SKI: variants seen among roughly 807,000 people sequenced by gnomAD.
The protein encoded by SKI is SKI proto-oncogene.
In SKI, 23 loss-of-function variants were observed where a neutral mutation model predicts 59.3. The ratio of observed to expected loss-of-function variants is 0.39; its 90% CI spans 0.28 to 0.55. SKI has a LOEUF of 0.55. Ranked by LOEUF, SKI falls within the 20% of genes least tolerant of loss-of-function variation. The pLI, the probability that SKI is intolerant of heterozygous loss-of-function variation, is 0.67. For synonymous variants in SKI, 673 were observed against 488.6 expected, an observed-to-expected ratio of 1.38 and a Z score of -4.98; for missense variants, 1,017 against 1,038.9, an observed-to-expected ratio of 0.98 and a Z score of 0.29.
chr1:2,304,400 G>A lies in SKI; in HGVS notation c.1582G>A (p.Ala528Thr). 1 of 1,552,758 alleles carries A rather than the reference G, an allele frequency of 6.4e-7. No homozygotes were observed. Among genetic ancestry groups the A allele is most frequent in the East Asian group, 2.4e-5 (1 of 41,012 alleles). The change falls in exon 5 of 7, where the codon GCT (alanine) becomes ACT (threonine). Residue 528 changes from alanine to threonine, a missense_variant. Ala to Thr is a moderately conservative substitution (Grantham distance 58). Transcript: ENST00000378536. ...TGCCCTGCCCTCGGCCGTCCCTGAT[G>A]CTGCGGCCCCTGCCGACGCCCCCAG... ...ARALPSAVPD[A>T]AAPADAPSGL...
At chr1:2,243,376 G>A (rs1027953788) in intron 1 of SKI, among the ~76,000 whole-genome samples, 1 of 152,226 alleles carries the variant, frequency 6.6e-6, no homozygotes, top group Non-Finnish European at 1.5e-5. Flanking sequence ...CTTATGCCCC[G>A]CCTGCCCTTT....
At position 2,229,555 on chromosome 1, in the gene SKI, G is replaced by C; in HGVS notation, c.789G>C (p.Ser263=). ...MYPPHKFVVH[S]HKALENRTCH... ...CGCCGCACAAGTTCGTGGTGCACTCGCACAAGGCCCTGGAGAACCGGACCT... is the reference window on the plus strand; with the variant it reads ...CGCCGCACAAGTTCGTGGTGCACTCCCACAAGGCCCTGGAGAACCGGACCT... Residue 263 remains serine, a synonymous_variant, in exon 1 of 7, where the codon TCG becomes TCC. Coordinates refer to ENST00000378536, the MANE Select transcript of SKI (RefSeq NM_003036.4). The surrounding 1 kb of genome is among the most constrained non-coding windows in gnomAD (Gnocchi z 6.3). The C allele has an allele frequency of 6.2e-7, 1 of 1,611,240 alleles. No individual in the cohort carries two copies. Among genetic ancestry groups the C allele is most frequent in the Non-Finnish European group, 8.5e-7 (1 of 1,179,924 alleles).
At chr1:2,287,430 G>A (rs1295681233) in intron 1 of SKI, among the ~76,000 whole-genome samples, 4 of 149,812 alleles carry the variant, frequency 2.7e-5, no homozygotes, top group African/African-American at 7.4e-5. Flanking sequence ...TCCGCCTCCC[G>A]GGTTCACGCC....
chr1:2,289,961 C>T (rs1168674343), intron 1 of SKI, among the ~76,000 whole-genome samples: 8 of 152,112 alleles, frequency 5.3e-5, no homozygotes, highest in Admixed American at 5.2e-4. Flanking sequence ...CACGTTGCTC[C>T]AGGACATGCC....
chr1:2,273,334 C>T lies in SKI; in HGVS notation c.970-29644C>T, dbSNP rs189584986. Among the ~76,000 whole-genome samples, 327 of 152,202 alleles carry T rather than the reference C, an allele frequency of 2.1e-3. 2 individuals are homozygous for T. Among genetic ancestry groups the T allele is most frequent in the Non-Finnish European group, 3.4e-3 (232 of 67,996 alleles). ...CCTTCCCGCCAGTGCCGGAGACCCT[C>T]GGAAGTGTATGTGGAAGGACAGCAG... is the stretch of plus-strand genomic sequence containing the variant. On this transcript the variant is annotated intron_variant, in intron 1 of 6. Coordinates refer to ENST00000378536, the MANE Select transcript of SKI (RefSeq NM_003036.4).
intron 1 of SKI, among the ~76,000 whole-genome samples, chr1:2,272,845 G>A (rs1431171454): frequency 6.6e-6 from 1 of 152,034 alleles, no homozygotes; most frequent in Admixed American, 6.6e-5. Context: ...CCCCTCCCAC[G>A]CCCCGAGCCT....
At chr1:2,234,423 C>T (rs1489308227) in intron 1 of SKI, among the ~76,000 whole-genome samples, 1 of 152,206 alleles carries the variant, frequency 6.6e-6, no homozygotes, top group African/African-American at 2.4e-5. Flanking sequence ...CATCTTGTTT[C>T]TCAGCCGTCC....
In SKI at chr1:2,306,570, C is replaced by CT. The variant is rs1557854581; in HGVS notation, c.1999-4dup. On this transcript the variant is annotated splice_region_variant and splice_polypyrimidine_tract_variant and intron_variant, in intron 6 of 6. Transcript: ENST00000378536. Reference sequence around the variant, plus strand: ...CAGGCGCCGCTGACCACTCGGCTCCCTTTCAGATCGAAGACCTGCAGGTGA... The same window carrying CT: ...CAGGCGCCGCTGACCACTCGGCTCCCTTTTCAGATCGAAGACCTGCAGGTGA... 1 of 1,541,246 alleles carries CT rather than the reference C, an allele frequency of 6.5e-7. No homozygotes were observed. The highest frequency in any genetic ancestry group is 8.7e-7 in the Non-Finnish European group (1 of 1,145,300).
chr1:2,271,768 C>G (rs932463581), intron 1 of SKI, among the ~76,000 whole-genome samples: 15 of 152,106 alleles, frequency 9.9e-5, no homozygotes, highest in African/African-American at 3.6e-4. Flanking sequence ...TCTGAGCACT[C>G]ATGCAGGCCT....
chr1:2,246,619 C>T (rs1639002540), intron 1 of SKI, among the ~76,000 whole-genome samples: 1 of 152,010 alleles, frequency 6.6e-6, no homozygotes, highest in South Asian at 2.1e-4. Flanking sequence ...AAGTCAGACT[C>T]CCCACCCCTC....
At chr1:2,234,803 A>C (rs1399677419) in intron 1 of SKI, among the ~76,000 whole-genome samples, 1 of 152,234 alleles carries the variant, frequency 6.6e-6, no homozygotes, top group Non-Finnish European at 1.5e-5. Context: ...TTTGAGTCAA[A>C]ATACAGAAGG....
At chr1:2,306,366 C>T (rs1180797807) in intron 6 of SKI, 116 bp downstream of exon 6, 18 of 1,103,880 alleles carry the variant, frequency 1.6e-5, no homozygotes, top group Non-Finnish European at 2.2e-5. Flanking sequence ...GGCCCGGGAC[C>T]ACGTTCCGTG....
intron 1 of SKI, among the ~76,000 whole-genome samples, chr1:2,253,690 G>A (rs890431361): frequency 1.3e-5 from 2 of 152,210 alleles, no homozygotes; most frequent in African/African-American, 4.8e-5. Flanking sequence ...GCGAGCAGAT[G>A]GAGGATGGAG....
intron 1 of SKI, among the ~76,000 whole-genome samples, chr1:2,234,429 C>T (rs1023565379): frequency 5.9e-5 from 9 of 152,174 alleles, no homozygotes; most frequent in East Asian, 1.9e-4. Flanking sequence ...GTTTCTCAGC[C>T]GTCCCTGCGG....
intron 1 of SKI, among the ~76,000 whole-genome samples, chr1:2,231,744 C>G (rs543495254): frequency 2.0e-5 from 3 of 152,178 alleles, no homozygotes. Context: ...GCAGTGGTGT[C>G]CTCCGCCTGG....
At chr1:2,291,740 G>A (rs987884048) in intron 1 of SKI, among the ~76,000 whole-genome samples, 23 of 152,328 alleles carry the variant, frequency 1.5e-4, no homozygotes, top group African/African-American at 5.5e-4. Context: ...AAGAGGGCCA[G>A]TGCCAAGGCC....
intron 1 of SKI, among the ~76,000 whole-genome samples, chr1:2,235,851 G>T (rs533913138): frequency 9.8e-5 from 15 of 152,372 alleles, no homozygotes; most frequent in African/African-American, 3.1e-4. Flanking sequence ...GGCGCCTGTG[G>T]CCCTCAGCAT....
At chr1:2,266,719 C>T (rs1334222836) in intron 1 of SKI, among the ~76,000 whole-genome samples, 2 of 152,186 alleles carry the variant, frequency 1.3e-5, no homozygotes, top group Non-Finnish European at 1.5e-5. Context: ...TCCAGCTTCT[C>T]TCATCAGCCA....
intron 1 of SKI, among the ~76,000 whole-genome samples, chr1:2,251,912 G>T (rs780526315): frequency 1.3e-5 from 2 of 152,174 alleles, no homozygotes; most frequent in African/African-American, 4.8e-5. Flanking sequence ...TGGCTGAACC[G>T]GCTTATCTGG....
Sources: allele counts gnomAD v4.1 joint callset (sites outside exome capture counted in the v4.1 genomes callset), GRCh38; gene constraint gnomAD v4.1.1; non-coding constraint Gnocchi (gnomAD v3.1); transcripts MANE v1.5; gene names NCBI Gene and HGNC (gene_info 2026-07-23, HGNC 2026-07-21).